Variants in HCN1 observed in about 807,000 individuals in gnomAD.
The protein encoded by HCN1 is potassium/sodium hyperpolarization-activated cyclic nucleotide-gated channel 1.
In HCN1, 13 loss-of-function variants were observed where a neutral mutation model predicts 78.9. That is an observed-to-expected ratio of 0.16 (90% CI 0.11 to 0.26). The LOEUF (loss-of-function observed/expected upper bound fraction) is 0.26, where lower values mean the gene tolerates loss of function less well. Among genes scored for constraint, HCN1 ranks in the 10% least tolerant of loss-of-function variants. HCN1 has a pLI of 1.00. For synonymous variants in HCN1, 552 were observed against 455.5 expected (o/e 1.21, Z -2.70); for missense variants, 810 against 1,154.3 (o/e 0.70, Z 4.32).
At chr5:45,507,388 G>T (rs1429753138) in intron 2 of HCN1, among the ~76,000 whole-genome samples, 3 of 152,146 alleles carry the variant, frequency 2.0e-5, no homozygotes, top group Admixed American at 1.3e-4. Context: ...CTTAGTCTGA[G>T]CATGGTTTCC....
At chr5:45,456,239 C>T (rs1159291310) in intron 3 of HCN1, among the ~76,000 whole-genome samples, 3 of 151,822 alleles carry the variant, frequency 2.0e-5, no homozygotes, top group Non-Finnish European at 4.4e-5. Context: ...TGATTGATTA[C>T]TTATCTTTGA....
At chr5:45,539,945 T>C (rs1395591967) in intron 2 of HCN1, among the ~76,000 whole-genome samples, 1 of 138,390 alleles carries the variant, frequency 7.2e-6, no homozygotes, top group African/African-American at 2.7e-5. Context: ...TATATATATA[T>C]ATATATATAT....
chr5:45,274,039 C>T (rs764074437), intron 6 of HCN1, among the ~76,000 whole-genome samples: 1 of 151,996 alleles, frequency 6.6e-6, no homozygotes, highest in African/African-American at 2.4e-5. Context: ...TAGTACAGTA[C>T]TTTAATGCAT....
chr5:45,408,131 T>C (rs1739960557), intron 3 of HCN1, among the ~76,000 whole-genome samples: 1 of 152,112 alleles, frequency 6.6e-6, no homozygotes, highest in Non-Finnish European at 1.5e-5. Context: ...AAAAACATTA[T>C]AAAGTAAAAA....
In HCN1 at chr5:45,651,651, G is replaced by T. The variant is rs996226906; in HGVS notation, c.426-6043C>A. 3.3e-5 allele frequency among the ~76,000 whole-genome samples: 5 copies of T among 151,802 alleles called. No homozygotes were observed. In the East Asian group the frequency reaches 9.7e-4, roughly 29 times the overall value. On this transcript the variant is annotated intron_variant, in intron 1 of 7. Transcript: ENST00000303230. ...CATATGTTTTGAAAACTAGCATAAG[G>T]TGCCTTCTCTTAAATGCTAGGTCCT...
At chr5:45,638,390 T>C (rs909857819) in intron 2 of HCN1, among the ~76,000 whole-genome samples, 2 of 152,120 alleles carry the variant, frequency 1.3e-5, no homozygotes, top group Non-Finnish European at 2.9e-5. Context: ...GGGACAAGGA[T>C]TGGGCTAATT....
chr5:45,358,891 T>C (rs1747058632), intron 4 of HCN1, among the ~76,000 whole-genome samples: 1 of 152,094 alleles, frequency 6.6e-6, no homozygotes, highest in Admixed American at 6.6e-5. Flanking sequence ...ACATTTACCA[T>C]AGACTATCAC....
intron 6 of HCN1, among the ~76,000 whole-genome samples, chr5:45,281,220 A>AT (rs1174683264): frequency 1.3e-5 from 2 of 151,916 alleles, no homozygotes; most frequent in African/African-American, 4.8e-5. Context: ...AGGTAATTGG[A>AT]TCATGGGGGT....
Position 45,579,266 on chromosome 5 carries a change from C to T in HCN1, c.849+65919G>A, listed in dbSNP as rs370984680. On this transcript the variant is annotated intron_variant, in intron 2 of 7. Coordinates refer to ENST00000303230, the MANE Select transcript of HCN1 (RefSeq NM_021072.4). The stretch of plus-strand genomic sequence containing the variant: ...TGGTAGTCAGATAAACTCTTAATAG[C>T]TGACTCAGATCAGTATTGTTTCCTT... 3.9e-5 allele frequency among the ~76,000 whole-genome samples: 6 copies of T among 152,006 alleles called. No homozygotes were observed. In the South Asian group the frequency reaches 1.2e-3, roughly 31 times the overall value.
intron 2 of HCN1, among the ~76,000 whole-genome samples, chr5:45,489,243 G>T (rs532779435): frequency 4.6e-5 from 7 of 152,244 alleles, no homozygotes; most frequent in African/African-American, 1.4e-4. Context: ...ATTTTGGGGA[G>T]AATTAATAGT....
At chr5:45,352,393 A>T (rs950638949) in intron 5 of HCN1, among the ~76,000 whole-genome samples, 1 of 151,150 alleles carries the variant, frequency 6.6e-6, no homozygotes, top group Non-Finnish European at 1.5e-5. Context: ...GGGGAGGGGG[A>T]GGGATAGCAT....
At chr5:45,583,753 A>G (rs1373281540) in intron 2 of HCN1, among the ~76,000 whole-genome samples, 1 of 152,142 alleles carries the variant, frequency 6.6e-6, no homozygotes, top group Non-Finnish European at 1.5e-5. Flanking sequence ...TTCAAAGAAC[A>G]TCTTTATTTC....
chr5:45,548,719 G>A (rs547054712), intron 2 of HCN1, among the ~76,000 whole-genome samples: 2 of 152,144 alleles, frequency 1.3e-5, no homozygotes, highest in Non-Finnish European at 2.9e-5. Flanking sequence ...CCTGTTTGCA[G>A]ATGCCATGAT....
intron 2 of HCN1, among the ~76,000 whole-genome samples, chr5:45,608,568 C>G (rs1744772087): frequency 1.3e-5 from 2 of 151,736 alleles, no homozygotes; most frequent in South Asian, 4.2e-4. Flanking sequence ...TTACAAAGAT[C>G]AGTGGAAGAA....
intron 5 of HCN1, among the ~76,000 whole-genome samples, chr5:45,327,558 C>T (rs1028315622): frequency 3.3e-5 from 5 of 151,506 alleles, no homozygotes; most frequent in Non-Finnish European, 7.4e-5. Flanking sequence ...TTATCTCTCA[C>T]TTTAGTTAGA....
In HCN1 at chr5:45,581,742, T is replaced by A. The variant is rs1416041591; in HGVS notation, c.849+63443A>T. ...CCAGTTACAGCTTTCTGCATATGAC[T>A]ATCCAGTTTTCCCAGCACCATTTAT... is the stretch of plus-strand genomic sequence containing the variant. On this transcript the variant is annotated intron_variant, in intron 2 of 7. Transcript: ENST00000303230. Among the ~76,000 whole-genome samples, 3 of 152,206 alleles carry A rather than the reference T, an allele frequency of 2.0e-5. No individual in the cohort carries two copies. The East Asian group carries it at 5.8e-4, about 29-fold the overall frequency.
chr5:45,292,159 C>A (rs1362893886), intron 6 of HCN1, among the ~76,000 whole-genome samples: 2 of 151,938 alleles, frequency 1.3e-5, no homozygotes, highest in East Asian at 3.9e-4. Context: ...TTGGGCTTAA[C>A]ATGGAATAAC....
chr5:45,686,928 TG>T (rs1265315572), intron 1 of HCN1, among the ~76,000 whole-genome samples: 3 of 152,166 alleles, frequency 2.0e-5, no homozygotes, highest in Non-Finnish European at 4.4e-5. Flanking sequence ...TCATGTTGTT[TG>T]GTGTAATTTC....
At chr5:45,544,806 T>C (rs1358253172) in intron 2 of HCN1, among the ~76,000 whole-genome samples, 1 of 152,198 alleles carries the variant, frequency 6.6e-6, no homozygotes, top group Non-Finnish European at 1.5e-5. Context: ...TGCATAGTAT[T>C]CCATGGTATG....
Sources: gnomAD v4.1 joint callset for allele counts (sites outside exome capture counted in the v4.1 genomes callset) on GRCh38, gnomAD v4.1.1 for gene constraint, MANE v1.5 for transcripts, NCBI Gene and HGNC (gene_info 2026-07-23, HGNC 2026-07-21) for gene names.